FGF1: variants seen among roughly 807,000 people sequenced by gnomAD.
FGF1 encodes fibroblast growth factor 1.
In FGF1, 9 loss-of-function variants were observed where a neutral mutation model predicts 13.4. The observed-to-expected ratio is 0.67, with a 90% confidence interval of 0.40 to 1.17. The LOEUF (loss-of-function observed/expected upper bound fraction) is 1.17, where lower values mean the gene tolerates loss of function less well. Ranked by LOEUF, FGF1 falls within the 50% of genes most tolerant of loss-of-function variation. The pLI, the probability that FGF1 is intolerant of heterozygous loss-of-function variation, is 0.01. For synonymous variants in FGF1, 93 were observed against 79.0 expected (o/e 1.18, Z -0.94); for missense variants, 156 against 192.7 (o/e 0.81, Z 1.13).
At chr5:142,692,703 G>A (rs942509232) in intron 2 of FGF1, among the ~76,000 whole-genome samples, 2 of 146,022 alleles carry the variant, frequency 1.4e-5, no homozygotes, top group Admixed American at 6.8e-5. Context: ...ACACACACAC[G>A]CACAGACACA....
chr5:142,601,259 C>T (rs1157617712), intron 2 of FGF1: 1 of 378,102 alleles, frequency 2.6e-6, no homozygotes, highest in Admixed American at 3.0e-5. Context: ...ACAGGGGTGC[C>T]TTTTAATTGT....
At chr5:142,631,505 A>G (rs1763364699) in intron 1 of FGF1, among the ~76,000 whole-genome samples, 1 of 152,244 alleles carries the variant, frequency 6.6e-6, no homozygotes, top group Non-Finnish European at 1.5e-5. Flanking sequence ...GGACGTTCTC[A>G]GAATCCTGTT....
chr5:142,604,503 C>T (rs1177786810), intron 2 of FGF1, among the ~76,000 whole-genome samples: 6 of 152,124 alleles, frequency 3.9e-5, no homozygotes, highest in Non-Finnish European at 5.9e-5. Flanking sequence ...TGCATGAACT[C>T]AAGTTCTGCT....
intron 1 of FGF1, among the ~76,000 whole-genome samples, chr5:142,628,057 C>G (rs1261708799): frequency 6.6e-6 from 1 of 152,106 alleles, no homozygotes; most frequent in Non-Finnish European, 1.5e-5. Flanking sequence ...GGAGATGATG[C>G]AAGAGAACAT....
intron 3 of FGF1, among the ~76,000 whole-genome samples, chr5:142,600,334 C>T (rs560750416): frequency 1.4e-4 from 22 of 152,042 alleles, no homozygotes; most frequent in African/African-American, 4.8e-4. Flanking sequence ...TGCACTCCAG[C>T]CTGGGCGACA....
At chr5:142,672,670 A>G (rs981469755) in intron 1 of FGF1, among the ~76,000 whole-genome samples, 1 of 151,846 alleles carries the variant, frequency 6.6e-6, no homozygotes, top group African/African-American at 2.4e-5. Flanking sequence ...ATGCCTGGCT[A>G]ATTTTTGTAT....
At chr5:142,658,509 G>A (rs562809404) in intron 1 of FGF1, among the ~76,000 whole-genome samples, 2 of 152,246 alleles carry the variant, frequency 1.3e-5, no homozygotes, top group Non-Finnish European at 2.9e-5. Context: ...AACAAACTAA[G>A]CACCCAGGAT....
At chr5:142,620,118 C>CA (rs1187297872) in intron 1 of FGF1, among the ~76,000 whole-genome samples, 2 of 151,494 alleles carry the variant, frequency 1.3e-5, no homozygotes, top group South Asian at 4.2e-4. Context: ...CAAATGTTAA[C>CA]AAAAAAATTG....
At chr5:142,600,264 AG>A (rs912169132) in intron 3 of FGF1, among the ~76,000 whole-genome samples, 2 of 152,042 alleles carry the variant, frequency 1.3e-5, no homozygotes, top group East Asian at 1.9e-4. Flanking sequence ...CAGGGGGCTG[AG>A]GGGGGAGGAT....
rs768317949 is a variant in FGF1 at position 142,683,821 on chromosome 5, C to CAAAAAAA, written c.-35+2129_-35+2135dup. ...GAGCAACAAGAGTGAAACTCTGTCT[C>CAAAAAAA]AAAAAAAAAAAAAAAAAAAAAAGGA... On this transcript the variant is annotated intron_variant, in intron 1 of 3. Coordinates refer to ENST00000337706, the MANE Select transcript of FGF1 (RefSeq NM_000800.5). 3.6e-3 allele frequency among the ~76,000 whole-genome samples: 177 copies of CAAAAAAA among 49,714 alleles called. 5 individuals are homozygous for CAAAAAAA. The highest frequency in any genetic ancestry group is 0.013 in the African/African-American group (153 of 11,592). The allele number at this position is 49,714 out of a possible 152,430, so 32.6% of individuals were successfully genotyped here.
At chr5:142,598,678 A>G (rs250092) in intron 3 of FGF1, among the ~76,000 whole-genome samples, 137,246 of 152,222 alleles carry the variant, frequency 0.9, 62,223 homozygotes, top group East Asian at 1. Flanking sequence ...CCTAAATTTT[A>G]TGAAGAGCAT....
intron 1 of FGF1, among the ~76,000 whole-genome samples, chr5:142,645,595 G>C (rs1230954127): frequency 5.9e-5 from 9 of 152,182 alleles, no homozygotes; most frequent in East Asian, 5.8e-4. Context: ...CAGAGGCATT[G>C]GGATAAGTAA....
At chr5:142,628,895 AT>A (rs1762886569) in intron 1 of FGF1, among the ~76,000 whole-genome samples, 1 of 152,118 alleles carries the variant, frequency 6.6e-6, no homozygotes. Context: ...TCCTCTTCAC[AT>A]TCAAGATCCT....
At chr5:142,603,904 T>A (rs1285047725) in intron 2 of FGF1, among the ~76,000 whole-genome samples, 2 of 152,156 alleles carry the variant, frequency 1.3e-5, no homozygotes, top group Non-Finnish European at 2.9e-5. Context: ...AGTAGATACA[T>A]GGAATGCCAA....
At chr5:142,697,082 ACCAGAGAAAGGAACTCT>A (rs1401271151) in intron 2 of FGF1, among the ~76,000 whole-genome samples, 3 of 152,206 alleles carry the variant, frequency 2.0e-5, no homozygotes, top group African/African-American at 7.2e-5. Flanking sequence ...CTTGTTTTCA[ACCAGAGAAAGGAACTCT>A]TGAATCTGTT....
chr5:142,637,521 A>G (rs1764475316), intron 1 of FGF1, among the ~76,000 whole-genome samples: 1 of 151,896 alleles, frequency 6.6e-6, no homozygotes, highest in Non-Finnish European at 1.5e-5. Flanking sequence ...GGGTTTCACC[A>G]TGTTAGCCAC....
intron 2 of FGF1, among the ~76,000 whole-genome samples, chr5:142,608,537 C>CATAT (rs1162785515): frequency 2.9e-5 from 3 of 102,066 alleles, no homozygotes; most frequent in African/African-American, 1.1e-4. Context: ...AATATATATA[C>CATAT]ACATCTATAT....
intron 1 of FGF1, among the ~76,000 whole-genome samples, chr5:142,625,528 C>G (rs1032227582): frequency 6.6e-6 from 1 of 152,150 alleles, no homozygotes; most frequent in African/African-American, 2.4e-5. Flanking sequence ...CAGAGTGCTC[C>G]CTGGTGCAAT....
chr5:142,658,986 G>A (rs1165888190), intron 1 of FGF1, among the ~76,000 whole-genome samples: 1 of 151,978 alleles, frequency 6.6e-6, no homozygotes. Flanking sequence ...AGATGAGCTG[G>A]GTATAATGTC....
Sources: gnomAD v4.1 joint callset for allele counts (sites outside exome capture counted in the v4.1 genomes callset) on GRCh38, gnomAD v4.1.1 for gene constraint, MANE v1.5 for transcripts, NCBI Gene and HGNC (gene_info 2026-07-23, HGNC 2026-07-21) for gene names.